BACE2: variants seen among roughly 807,000 people sequenced by gnomAD.
The protein encoded by BACE2 is 56 kDa aspartic-like protease.
Under a neutral mutation model 46.2 loss-of-function variants are expected in BACE2, and 17 were observed. The ratio of observed to expected loss-of-function variants is 0.37; its 90% CI spans 0.25 to 0.55. The LOEUF (loss-of-function observed/expected upper bound fraction) is 0.55. BACE2 is among the 20% of genes least tolerant of loss of function. The probability of loss-of-function intolerance (pLI) is 0.82; values close to 1 mark genes in which losing one functional copy is unlikely to be tolerated. For synonymous variants in BACE2, 277 were observed against 295.9 expected (o/e 0.94, Z 0.66); for missense variants, 595 against 698.1 (o/e 0.85, Z 1.66).
chr21:41,271,083 T>C (rs2088429810), intron 8 of BACE2, among the ~76,000 whole-genome samples: 1 of 152,252 alleles, frequency 6.6e-6, no homozygotes, highest in South Asian at 2.1e-4. Flanking sequence ...ATTTTTTTGA[T>C]CTGTATCTAT....
At chr21:41,252,005 G>A (rs1987654625) in intron 7 of BACE2, among the ~76,000 whole-genome samples, 1 of 151,886 alleles carries the variant, frequency 6.6e-6, no homozygotes, top group African/African-American at 2.4e-5. Context: ...CTGAGCCCTT[G>A]CGCGTGTGGC....
intron 1 of BACE2, among the ~76,000 whole-genome samples, chr21:41,218,176 C>T (rs940933299): frequency 6.7e-4 from 102 of 152,240 alleles, no homozygotes; most frequent in Non-Finnish European, 7.6e-4. Flanking sequence ...ATAAACAATA[C>T]AACTATAGAA....
At chr21:41,232,351 TG>T (rs1986989037) in intron 2 of BACE2, among the ~76,000 whole-genome samples, 1 of 152,252 alleles carries the variant, frequency 6.6e-6, no homozygotes, top group East Asian at 1.9e-4. Context: ...GCTCCTTTCA[TG>T]GGGTGGTTGG....
intron 1 of BACE2, among the ~76,000 whole-genome samples, chr21:41,189,757 G>C (rs1005416173): frequency 6.6e-6 from 1 of 152,132 alleles, no homozygotes; most frequent in African/African-American, 2.4e-5. Context: ...GTTCTGTAGG[G>C]GAACAGAATA....
At chr21:41,177,489 G>T (rs1236896899) in intron 1 of BACE2, 1 of 152,204 alleles carries the variant, frequency 6.6e-6, no homozygotes, top group Non-Finnish European at 1.5e-5. Flanking sequence ...AGAAACTGGG[G>T]TGGGGGGCGG....
At chr21:41,174,625 G>A (rs1984739895) in intron 1 of BACE2, among the ~76,000 whole-genome samples, 1 of 152,164 alleles carries the variant, frequency 6.6e-6, no homozygotes, top group African/African-American at 2.4e-5. Flanking sequence ...GGGTCTACCT[G>A]TGCTGGAGAA....
rs1416422041 is a variant in BACE2 at position 41,277,509 on chromosome 21, A to G, written c.*1885A>G. The stretch of plus-strand genomic sequence containing the variant: ...TGTCTGGAAGTCCAATTCTCATCCC[A>G]TTGGCTTTTTCCGTGGTTGCTGTTT... On this transcript the variant is annotated 3_prime_UTR_variant, in exon 9 of 9. Transcript: ENST00000330333. 2.0e-5 allele frequency: 3 copies of G among 152,162 alleles called. No homozygotes were observed. The highest frequency in any genetic ancestry group is 4.1e-4 in the South Asian group (2 of 4,830). 9.4% of individuals were successfully genotyped at this position (152,162 alleles called of 1,614,324 possible).
At chr21:41,202,056 G>C (rs528437766) in intron 1 of BACE2, among the ~76,000 whole-genome samples, 2 of 152,178 alleles carry the variant, frequency 1.3e-5, no homozygotes, top group Non-Finnish European at 1.5e-5. Context: ...TATAATTCCT[G>C]TTTTAGGAAA....
At chr21:41,177,420 T>C (rs550541225) in intron 1 of BACE2, 104 of 152,496 alleles carry the variant, frequency 6.8e-4, no homozygotes, top group African/African-American at 2.5e-3. Flanking sequence ...AGCACACTTA[T>C]TCCTAATTTC....
rs1319699683 is a variant in BACE2, at chr21:41,206,761, TAGAA to T, written c.313-19500_313-19497del. On this transcript the variant is annotated intron_variant, in intron 1 of 8. Coordinates refer to ENST00000330333, the MANE Select transcript of BACE2 (RefSeq NM_012105.5). ...ACTTAACGCCATTGAACTTCACCTT[TAGAA>T]AGAACTAAGATGGTAAATTTTAAGT... is the stretch of plus-strand genomic sequence containing the variant. Among the ~76,000 whole-genome samples the T allele has an allele frequency of 2.0e-5, 3 of 152,238 alleles. No homozygotes were observed. The East Asian group carries it at 5.8e-4, about 29-fold the overall frequency.
intron 1 of BACE2, among the ~76,000 whole-genome samples, chr21:41,195,445 C>A (rs933072163): frequency 2.0e-5 from 3 of 152,220 alleles, no homozygotes; most frequent in Non-Finnish European, 4.4e-5. Flanking sequence ...ACCAGCCACG[C>A]CCAGGGTGAA....
intron 1 of BACE2, among the ~76,000 whole-genome samples, chr21:41,220,242 C>G (rs1320490154): frequency 6.6e-6 from 1 of 152,202 alleles, no homozygotes; most frequent in African/African-American, 2.4e-5. Context: ...CTCCGGGAAC[C>G]TCAGCTGTCT....
At chr21:41,177,154 G>C (rs915650073) in intron 1 of BACE2, 10 of 152,210 alleles carry the variant, frequency 6.6e-5, no homozygotes, top group African/African-American at 2.4e-4. Context: ...TTGCCCTCTG[G>C]AGTAATCCTG....
intron 5 of BACE2, among the ~76,000 whole-genome samples, chr21:41,244,060 A>G (rs1410193690): frequency 1.3e-5 from 2 of 152,188 alleles, no homozygotes; most frequent in Non-Finnish European, 2.9e-5. Context: ...GACCATGTTC[A>G]TGCCTTCTCA....
intron 1 of BACE2, among the ~76,000 whole-genome samples, chr21:41,200,745 C>G (rs1051438708): frequency 6.6e-6 from 1 of 152,102 alleles, no homozygotes; most frequent in Non-Finnish European, 1.5e-5. Context: ...CAGGGATGTG[C>G]GCAGAGGGAC....
intron 1 of BACE2, among the ~76,000 whole-genome samples, chr21:41,197,857 G>A (rs1375335457): frequency 6.6e-6 from 1 of 152,292 alleles, no homozygotes; most frequent in East Asian, 1.9e-4. Flanking sequence ...GTCCCCCACT[G>A]TGTGCCCTGA....
chr21:41,225,761 T>G (rs909887119), intron 1 of BACE2: 1 of 153,364 alleles, frequency 6.5e-6, no homozygotes, highest in Non-Finnish European at 1.5e-5. Context: ...TAAAAAACAA[T>G]GCTTGTGACA....
intron 1 of BACE2, among the ~76,000 whole-genome samples, chr21:41,210,601 C>T (rs1309463941): frequency 6.6e-6 from 1 of 152,130 alleles, no homozygotes; most frequent in African/African-American, 2.4e-5. Context: ...GCAGACTGAC[C>T]CCGTTCCACA....
chr21:41,216,268 G>A (rs376342613), intron 1 of BACE2, among the ~76,000 whole-genome samples: 45 of 152,298 alleles, frequency 3.0e-4, no homozygotes, highest in Non-Finnish European at 5.3e-4. Flanking sequence ...AGCCCAGAGC[G>A]TTTACTGTGC....
Sources: allele counts gnomAD v4.1 joint callset (sites outside exome capture counted in the v4.1 genomes callset), GRCh38; gene constraint gnomAD v4.1.1; transcripts MANE v1.5; gene names NCBI Gene and HGNC (gene_info 2026-07-23, HGNC 2026-07-21).